NDUFAF7: variants seen among roughly 807,000 people sequenced by gnomAD.
The protein encoded by NDUFAF7 is NADH:ubiquinone oxidoreductase complex assembly factor 7, also known as protein arginine methyltransferase NDUFAF7, mitochondrial.
Under a neutral mutation model 47.2 loss-of-function variants are expected in NDUFAF7, and 48 were observed. That is an observed-to-expected ratio of 1.02 (90% CI 0.81 to 1.29). The LOEUF is 1.29. NDUFAF7 is among the 50% of genes most tolerant of loss of function. The pLI is 0.00. For synonymous variants in NDUFAF7, 217 were observed against 190.0 expected (o/e 1.14, Z -1.17); for missense variants, 635 against 537.6 (o/e 1.18, Z -1.79).
chr2:37,270,067 A>G, the NDUFAF7 span, among the ~76,000 whole-genome samples: 1 of 152,192 alleles, frequency 6.6e-6, no homozygotes, highest in African/African-American at 2.4e-5. Context: ...ATCTCTACTA[A>G]AAATACAAGA....
chr2:37,254,570 C>G (rs1667783980), downstream of NDUFAF7, among the ~76,000 whole-genome samples: 1 of 152,086 alleles, frequency 6.6e-6, no homozygotes, highest in African/African-American at 2.4e-5. Context: ...GTTCTGCCAC[C>G]TACTAGCTGT....
Position 37,232,267 on chromosome 2 carries a change from G to C in NDUFAF7, c.216+1G>C. ...GGAGGTGTTGACTAATCCAGCCAAGGTATGGGTCGGGTAGCCCGAGGACTA... is the reference window on the plus strand; with the variant it reads ...GGAGGTGTTGACTAATCCAGCCAAGCTATGGGTCGGGTAGCCCGAGGACTA... On this transcript the variant is annotated splice_donor_variant, in intron 2 of 9. Transcript: ENST00000002125. LOFTEE classifies it high-confidence loss of function. 3 of 1,612,704 alleles carry C rather than the reference G, an allele frequency of 1.9e-6. No homozygotes were observed. The highest frequency in any genetic ancestry group is 2.5e-6 in the Non-Finnish European group (3 of 1,179,974).
At chr2:37,236,487 G>C (rs1354271285) in intron 3 of NDUFAF7, among the ~76,000 whole-genome samples, 4 of 151,918 alleles carry the variant, frequency 2.6e-5, no homozygotes, top group Admixed American at 2.0e-4. Flanking sequence ...GAAGAGAATG[G>C]AAGAAGGGGC....
intron 4 of NDUFAF7, 139 bp from the exon 5 acceptor site, chr2:37,241,439 G>A (rs1231883197): frequency 1.4e-6 from 1 of 709,942 alleles, no homozygotes; most frequent in Non-Finnish European, 2.5e-6. Context: ...ATAGACTGCT[G>A]GAGAGTGGCT....
downstream of NDUFAF7, among the ~76,000 whole-genome samples, chr2:37,255,380 C>T (rs1402946567): frequency 6.6e-6 from 1 of 152,222 alleles, no homozygotes; most frequent in Non-Finnish European, 1.5e-5. Context: ...AGCACTGGTT[C>T]TATTAACTTC....
At chr2:37,258,663 A>G in the NDUFAF7 span, among the ~76,000 whole-genome samples, 1 of 152,234 alleles carries the variant, frequency 6.6e-6, no homozygotes, top group African/African-American at 2.4e-5. Context: ...ACCAACTATC[A>G]GGCAACCCTT....
At position 37,231,755 on chromosome 2, in the gene NDUFAF7, G is replaced by A. The variant is rs72875762; in HGVS notation, c.50G>A (p.Arg17His). The change falls in exon 1 of 10, where the codon CGC becomes CAC. Residue 17 changes from arginine (R) to histidine (H), a missense_variant. By Grantham distance (29) the Arg-to-His change is conservative. Coordinates refer to ENST00000002125, the MANE Select transcript of NDUFAF7 (RefSeq NM_144736.5). ...SGLGPLCAVARAAIPFIWRGK... is the reference protein window; with the variant it reads ...SGLGPLCAVAHAAIPFIWRGK... ...TTGGGGCCGTTGTGTGCCGTGGCGCGCGCAGGTAAGCGTCAGTCCCCTCGA... is the reference window on the plus strand; with the variant it reads ...TTGGGGCCGTTGTGTGCCGTGGCGCACGCAGGTAAGCGTCAGTCCCCTCGA... 8.0e-3 allele frequency: 12,858 copies of A among 1,614,172 alleles called. 112 individuals carry two copies. The highest frequency in any genetic ancestry group is 0.042 in the African/African-American group (3,149 of 75,048).
rs752740567 is a variant in NDUFAF7 at position 37,232,192 on chromosome 2, A to G, written c.142A>G (p.Met48Val). Residue 48 changes from methionine (M) to valine (V), a missense_variant, in exon 2 of 10, where the codon ATG becomes GTG. Coordinates refer to ENST00000002125, the MANE Select transcript of NDUFAF7 (RefSeq NM_144736.5). ...GGTGACGCCGATGCTGCGGCATCTT[A>G]TGTACAAAATAAAGTCTACTGGTCC... ...NPVTPMLRHL[M>V]YKIKSTGPIT... is the part of the protein sequence containing the mutation. 8.1e-6 allele frequency: 13 copies of G among 1,614,014 alleles called. No individual in the cohort carries two copies. The highest frequency in any genetic ancestry group is 9.3e-6 in the Non-Finnish European group (11 of 1,180,038).
At chr2:37,234,037 C>T (rs1265546648) in intron 2 of NDUFAF7, among the ~76,000 whole-genome samples, 1 of 152,100 alleles carries the variant, frequency 6.6e-6, no homozygotes, top group Non-Finnish European at 1.5e-5. Flanking sequence ...TCGTGCTCAT[C>T]CTTACTTCAA....
chr2:37,251,445 A>T (rs1326132852), downstream of NDUFAF7: 2 of 152,552 alleles, frequency 1.3e-5, no homozygotes, highest in Non-Finnish European at 2.9e-5. Context: ...GCTCATAATG[A>T]CTTAACACTA....
the NDUFAF7 span, among the ~76,000 whole-genome samples, chr2:37,263,323 T>C: frequency 6.6e-6 from 1 of 152,220 alleles, no homozygotes; most frequent in African/African-American, 2.4e-5. Flanking sequence ...GATTTTGTAA[T>C]TTATTTCTGC....
At chr2:37,244,020 C>T in intron 7 of NDUFAF7, 47 bp downstream of exon 7, 1 of 1,438,546 alleles carries the variant, frequency 7.0e-7, no homozygotes, top group Non-Finnish European at 9.7e-7. Flanking sequence ...ACAGAATCTT[C>T]AAAGTCTTAT....
chr2:37,269,752 T>C, the NDUFAF7 span: 1 of 1,162,330 alleles, frequency 8.6e-7, no homozygotes, highest in Non-Finnish European at 1.3e-6. Flanking sequence ...CATCTCTGAC[T>C]TTCTTCATCC....
Position 37,248,588 on chromosome 2 carries a change from A to G in NDUFAF7, c.*238A>G. On this transcript the variant is annotated 3_prime_UTR_variant, in exon 10 of 10. Transcript: ENST00000002125. Reference sequence around the variant, plus strand: ...GAAACTGAGTTTCCTTTAACTTACAAAGCTAGTTGCCATATTTCTATTTTA... The same window carrying G: ...GAAACTGAGTTTCCTTTAACTTACAGAGCTAGTTGCCATATTTCTATTTTA... The G allele has an allele frequency of 1.9e-6, 1 of 525,786 alleles. No individual in the cohort carries two copies. Among genetic ancestry groups the G allele is most frequent in the Non-Finnish European group, 3.4e-6 (1 of 292,788 alleles). The allele number at this position is 525,786 out of a possible 1,614,324, so 32.6% of individuals were successfully genotyped here.
In NDUFAF7 at chr2:37,231,658, G is replaced by T. The variant is rs371510787; in HGVS notation, c.-48G>T. 1.4e-5 allele frequency: 22 copies of T among 1,613,890 alleles called. No individual in the cohort carries two copies. The African/African-American group carries it at 2.7e-4, about 20-fold the overall frequency. On this transcript the variant is annotated 5_prime_UTR_variant, in exon 1 of 10. Transcript: ENST00000002125. ...CGGGGCGTGTCTTCTCCCGGAAATG[G>T]TCTAAGCCCCAGCTCCTGGCGGAGC...
chr2:37,256,123 C>T (rs912112341), downstream of NDUFAF7, among the ~76,000 whole-genome samples: 41 of 152,222 alleles, frequency 2.7e-4, no homozygotes, highest in African/African-American at 8.9e-4. Context: ...ATTAAGGGGT[C>T]CTCGAATTTT....
Position 37,248,571 on chromosome 2 carries a change from G to A in NDUFAF7, c.*221G>A, listed in dbSNP as rs1295654340. On this transcript the variant is annotated 3_prime_UTR_variant, in exon 10 of 10. Transcript: ENST00000002125. ...AGCTAATAAGTTATTGTGAAACTGA[G>A]TTTCCTTTAACTTACAAAGCTAGTT... The A allele has an allele frequency of 3.6e-6, 2 of 559,754 alleles. No homozygotes were observed. Among genetic ancestry groups the A allele is most frequent in the Non-Finnish European group, 6.4e-6 (2 of 314,198 alleles). 34.7% of individuals were successfully genotyped at this position (559,754 alleles called of 1,614,324 possible).
chr2:37,260,829 T>C, the NDUFAF7 span, among the ~76,000 whole-genome samples: 4 of 152,250 alleles, frequency 2.6e-5, no homozygotes, highest in Middle Eastern at 3.2e-3. Flanking sequence ...AAGTCTTGAT[T>C]CTTATAATAT....
chr2:37,241,723 A>G lies in NDUFAF7; in HGVS notation c.554A>G (p.Tyr185Cys). 1.2e-6 allele frequency: 2 copies of G among 1,614,102 alleles called. No homozygotes were observed. The highest frequency in any genetic ancestry group is 4.5e-5 in the East Asian group (2 of 44,862). ...GAGCGAAATGCTGGATCCCCAGTGT[A>G]TATGAAAGGTGTCACTAAGTCTGGG... Reference protein sequence around the residue: ...PLERNAGSPVYMKGVTKSGIP... With the variant: ...PLERNAGSPVCMKGVTKSGIP... Residue 185 changes from tyrosine (Y) to cysteine (C), a missense_variant, in exon 5 of 10, where the codon TAT (tyrosine) becomes TGT (cysteine). Physicochemically the swap from Tyr to Cys is radical, Grantham distance 194. Transcript: ENST00000002125.
Sources: gnomAD v4.1 joint callset for allele counts (sites outside exome capture counted in the v4.1 genomes callset) on GRCh38, gnomAD v4.1.1 for gene constraint, MANE v1.5 for transcripts, NCBI Gene and HGNC (gene_info 2026-07-23, HGNC 2026-07-21) for gene names.